MED12L: variants seen among roughly 807,000 people sequenced by gnomAD.
The protein encoded by MED12L is mediator complex subunit 12L, also known as mediator of RNA polymerase II transcription subunit 12-like protein.
In MED12L, 60 loss-of-function variants were observed where a neutral mutation model predicts 281.3. The observed-to-expected ratio is 0.21, with a 90% confidence interval of 0.17 to 0.26. MED12L has a LOEUF of 0.26. Among genes scored for constraint, MED12L ranks in the 10% least tolerant of loss-of-function variants. MED12L has a pLI of 1.00. For missense variants in MED12L, 2,146 were observed against 2,680.9 expected (o/e 0.80, Z 4.41); for synonymous variants, 974 against 987.2 (o/e 0.99, Z 0.25).
chr3:151,104,590 G>A (rs1469424213), intron 2 of MED12L, among the ~76,000 whole-genome samples: 2 of 152,144 alleles, frequency 1.3e-5, no homozygotes, highest in African/African-American at 2.4e-5. Context: ...GTTTTAGGGG[G>A]CAGTCTTGCC....
intron 5 of MED12L, among the ~76,000 whole-genome samples, chr3:151,155,781 C>G (rs557776248): frequency 6.6e-6 from 1 of 152,196 alleles, no homozygotes; most frequent in Non-Finnish European, 1.5e-5. Context: ...CTCCCCTTCA[C>G]GATTCTGTCC....
chr3:151,249,104 A>G (rs944911808), intron 16 of MED12L: 1 of 152,292 alleles, frequency 6.6e-6, no homozygotes, highest in Non-Finnish European at 1.5e-5. Flanking sequence ...GCCCAGCTCT[A>G]ATATATGCTT....
chr3:151,372,748 G>A lies in MED12L; in HGVS notation c.3846G>A (p.Leu1282=), dbSNP rs776530267. Reference sequence around the variant, plus strand: ...TAAGAGAATACGCTAGATATGTACTGAGGACTATCTGTCAACAGGTATTCT... The same window carrying A: ...TAAGAGAATACGCTAGATATGTACTAAGGACTATCTGTCAACAGGTATTCT... ...ANLREYARYV[L]RTICQQEWVG... The change falls in exon 27 of 45, where the codon CTG becomes CTA. Residue 1282 remains leucine (L), a synonymous_variant. Coordinates refer to ENST00000687756, the MANE Select transcript of MED12L (RefSeq NM_001393769.1). The A allele has an allele frequency of 5.0e-6, 8 of 1,612,750 alleles. No individual in the cohort carries two copies. The highest frequency in any genetic ancestry group is 1.3e-5 in the African/African-American group (1 of 75,000).
intron 16 of MED12L, among the ~76,000 whole-genome samples, chr3:151,293,071 C>G (rs1171805692): frequency 6.6e-6 from 1 of 152,104 alleles, no homozygotes; most frequent in African/African-American, 2.4e-5. Flanking sequence ...ATCCTTTTAA[C>G]CCCTTTGCCA....
intron 16 of MED12L, among the ~76,000 whole-genome samples, chr3:151,319,662 C>A (rs1284279120): frequency 6.6e-6 from 1 of 151,976 alleles, no homozygotes; most frequent in Non-Finnish European, 1.5e-5. Flanking sequence ...TACTGTTTTT[C>A]ACATATACTC....
chr3:151,232,746 T>C lies in MED12L; in HGVS notation c.2250+39080T>C, dbSNP rs150862215. On this transcript the variant is annotated intron_variant, in intron 16 of 44. Coordinates refer to ENST00000687756, the MANE Select transcript of MED12L (RefSeq NM_001393769.1). ...GTGGGAGCTAAATCATGAGAACTCA[T>C]GGACACAAAGGGAACAGTAGACACT... 5.1e-3 allele frequency among the ~76,000 whole-genome samples: 778 copies of C among 152,180 alleles called. 12 individuals are homozygous for C. The highest frequency in any genetic ancestry group is 0.017 in the African/African-American group (725 of 41,512).
At chr3:151,259,075 GACATACTTTAA>G (rs1379553467) in intron 16 of MED12L, among the ~76,000 whole-genome samples, 1 of 152,184 alleles carries the variant, frequency 6.6e-6, no homozygotes, top group Non-Finnish European at 1.5e-5. Context: ...TTTGGGAAAT[GACATACTTTAA>G]ATATACTGGA....
At chr3:151,224,107 T>C (rs1729983158) in intron 16 of MED12L, among the ~76,000 whole-genome samples, 1 of 151,138 alleles carries the variant, frequency 6.6e-6, no homozygotes, top group African/African-American at 2.4e-5. Context: ...ATATTTAAAT[T>C]ATTTCATAAT....
At chr3:151,268,926 A>T (rs1740336969) in intron 16 of MED12L, among the ~76,000 whole-genome samples, 1 of 152,210 alleles carries the variant, frequency 6.6e-6, no homozygotes, top group Non-Finnish European at 1.5e-5. Context: ...AAAAAAATTA[A>T]GTTTTCTGAG....
chr3:151,199,929 A>G (rs1725286147), intron 16 of MED12L, among the ~76,000 whole-genome samples: 1 of 151,948 alleles, frequency 6.6e-6, no homozygotes, highest in Admixed American at 6.6e-5. Context: ...TTGATGGAAA[A>G]TCTCCAGCCT....
intron 16 of MED12L, chr3:151,278,215 C>T (rs1742215911): frequency 6.6e-6 from 1 of 152,180 alleles, no homozygotes; most frequent in Non-Finnish European, 1.5e-5. Flanking sequence ...CTGCCCAGCT[C>T]AGAAATCTTT....
chr3:151,100,734 A>T (rs1400273232), intron 2 of MED12L, among the ~76,000 whole-genome samples: 1 of 152,172 alleles, frequency 6.6e-6, no homozygotes, highest in Non-Finnish European at 1.5e-5. Context: ...ATTCTTTATG[A>T]ATTGGAGACA....
chr3:151,247,322 A>G (rs1735771944), intron 16 of MED12L, among the ~76,000 whole-genome samples: 1 of 152,120 alleles, frequency 6.6e-6, no homozygotes, highest in African/African-American at 2.4e-5. Context: ...ACGTATGTTT[A>G]TTGTGGCATT....
In MED12L at chr3:151,334,192, C is replaced by CTTTTTTTTTTTTTTTTTTTTTTTTTT. The variant is rs71848482; in HGVS notation, c.2251-15864_2251-15863insTTTTTTTTTTTTTTTTTTTTTTTTTT. On this transcript the variant is annotated intron_variant, in intron 16 of 44. Transcript: ENST00000687756. ...GATGTTATGTGTTTTTTCTTTCTTT[C>CTTTTTTTTTTTTTTTTTTTTTTTTTT]TTTCTTTTTTTTTTTGCCATTTCTA... Among the ~76,000 whole-genome samples, 42 of 99,438 alleles carry CTTTTTTTTTTTTTTTTTTTTTTTTTT rather than the reference C, an allele frequency of 4.2e-4. 4 individuals are homozygous for CTTTTTTTTTTTTTTTTTTTTTTTTTT. The highest frequency in any genetic ancestry group is 5.4e-4 in the Non-Finnish European group (28 of 51,942). 65.2% of individuals were successfully genotyped at this position (99,438 alleles called of 152,430 possible).
At chr3:151,289,242 A>G (rs1743939394) in intron 16 of MED12L, among the ~76,000 whole-genome samples, 1 of 152,226 alleles carries the variant, frequency 6.6e-6, no homozygotes, top group African/African-American at 2.4e-5. Context: ...GAGCTATCCC[A>G]GAGTAAGTGA....
Position 151,238,997 on chromosome 3 carries a change from A to G in MED12L, c.2250+45331A>G, listed in dbSNP as rs188532043. On this transcript the variant is annotated intron_variant, in intron 16 of 44. Coordinates refer to ENST00000687756, the MANE Select transcript of MED12L (RefSeq NM_001393769.1). ...ATGAACTGAGAGACAATTTTTGACAATGATAAAATTCAAGCTTTCAAACTG... is the reference window on the plus strand; with the variant it reads ...ATGAACTGAGAGACAATTTTTGACAGTGATAAAATTCAAGCTTTCAAACTG... 3.6e-3 allele frequency among the ~76,000 whole-genome samples: 556 copies of G among 152,364 alleles called. 4 individuals carry two copies. Among genetic ancestry groups the G allele is most frequent in the African/African-American group, 0.013 (526 of 41,588 alleles).
At chr3:151,350,423 A>C (rs971873226) in intron 17 of MED12L, among the ~76,000 whole-genome samples, 3 of 152,016 alleles carry the variant, frequency 2.0e-5, no homozygotes, top group Admixed American at 2.0e-4. Flanking sequence ...TATTAATATT[A>C]AATATTATTT....
chr3:151,191,677 C>T (rs1191416744), intron 14 of MED12L, among the ~76,000 whole-genome samples: 2 of 152,074 alleles, frequency 1.3e-5, no homozygotes, highest in Admixed American at 6.6e-5. Context: ...GAGACTGAGG[C>T]GGGCAGACCA....
chr3:151,125,248 G>A (rs1053148644), intron 4 of MED12L, among the ~76,000 whole-genome samples: 8 of 152,160 alleles, frequency 5.3e-5, no homozygotes, highest in African/African-American at 1.4e-4. Context: ...TTATTAATAT[G>A]TGTCTGGTCG....
Sources: allele counts gnomAD v4.1 joint callset (sites outside exome capture counted in the v4.1 genomes callset), GRCh38; gene constraint gnomAD v4.1.1; transcripts MANE v1.5; gene names NCBI Gene and HGNC (gene_info 2026-07-23, HGNC 2026-07-21).